Variants in LIN28B observed in about 807,000 individuals in gnomAD.
LIN28B encodes protein lin-28 homolog B.
Under a neutral mutation model 21.9 loss-of-function variants are expected in LIN28B, and 5 were observed. The ratio of observed to expected loss-of-function variants is 0.23; its 90% CI spans 0.12 to 0.48. The LOEUF (loss-of-function observed/expected upper bound fraction) is 0.48, where lower values mean the gene tolerates loss of function less well. Ranked by LOEUF, LIN28B falls within the 20% of genes least tolerant of loss-of-function variation. The pLI is 0.98. For missense variants in LIN28B, 245 were observed against 310.5 expected, an observed-to-expected ratio of 0.79 and a Z score of 1.58; for synonymous variants, 109 against 111.3, an observed-to-expected ratio of 0.98 and a Z score of 0.13.
At chr6:105,049,775 A>T (rs377698783) in intron 3 of LIN28B, among the ~76,000 whole-genome samples, 6 of 151,896 alleles carry the variant, frequency 4.0e-5, no homozygotes, top group East Asian at 1.9e-4. Flanking sequence ...TTTGTCTCTT[A>T]TGATCTTTGT....
rs764812665 is a variant in LIN28B at position 105,081,296 on chromosome 6, A to C, written c.*2513A>C. 1 of 152,632 alleles carries C rather than the reference A, an allele frequency of 6.6e-6. No individual in the cohort carries two copies. The highest frequency in any genetic ancestry group is 6.5e-5 in the Admixed American group (1 of 15,278). The allele number at this position is 152,632 out of a possible 1,614,324, so 9.5% of individuals were successfully genotyped here. A position where few individuals can be genotyped will look rare whatever the true frequency, so the allele number is the denominator to read the frequency against. ...ACAGATCAAAATTTTTGAATATCAG[A>C]TATCAGTTATCCTATTTTTATTTCA... is the stretch of plus-strand genomic sequence containing the variant. On this transcript the variant is annotated 3_prime_UTR_variant, in exon 4 of 4. Transcript: ENST00000345080.
intron 2 of LIN28B, among the ~76,000 whole-genome samples, chr6:104,994,402 T>A (rs1355822711): frequency 6.6e-6 from 1 of 152,236 alleles, no homozygotes; most frequent in Non-Finnish European, 1.5e-5. Flanking sequence ...TTATTTAACT[T>A]ATCCATTCAA....
intron 2 of LIN28B, among the ~76,000 whole-genome samples, chr6:104,963,662 A>G (rs1396066920): frequency 1.3e-5 from 2 of 152,234 alleles, no homozygotes; most frequent in East Asian, 1.9e-4. Flanking sequence ...CTTCAAATGC[A>G]TAGCATCCTC....
intron 2 of LIN28B, among the ~76,000 whole-genome samples, chr6:104,977,241 C>T (rs894483442): frequency 6.6e-6 from 1 of 152,118 alleles, no homozygotes; most frequent in Non-Finnish European, 1.5e-5. Flanking sequence ...TTTGTAAACA[C>T]ACCCTTCACT....
At chr6:104,991,148 GC>G (rs144082172) in intron 2 of LIN28B, among the ~76,000 whole-genome samples, 150,487 of 150,768 alleles carry the variant, frequency 1, 75,103 homozygotes, top group Middle Eastern at 1. Context: ...GGGCAGAGGC[GC>G]CCCCCCACCT....
intron 2 of LIN28B, among the ~76,000 whole-genome samples, chr6:104,970,601 C>T (rs369526664): frequency 2.6e-5 from 4 of 151,894 alleles, no homozygotes; most frequent in African/African-American, 7.3e-5. Context: ...TTTAATCTAC[C>T]GTGGTAGTTT....
intron 3 of LIN28B, among the ~76,000 whole-genome samples, chr6:105,076,790 G>A (rs1442086595): frequency 1.3e-5 from 2 of 151,850 alleles, no homozygotes; most frequent in Non-Finnish European, 2.9e-5. Flanking sequence ...ATTTTTAGTA[G>A]AGGCAGAGTT....
intron 2 of LIN28B, among the ~76,000 whole-genome samples, chr6:104,981,624 G>A (rs1005895338): frequency 1.4e-4 from 22 of 152,230 alleles, no homozygotes; most frequent in African/African-American, 4.8e-4. Flanking sequence ...TGTACAGTGC[G>A]ATTTGTAAAG....
chr6:104,992,171 C>T (rs1770501852), intron 2 of LIN28B, among the ~76,000 whole-genome samples: 1 of 152,056 alleles, frequency 6.6e-6, no homozygotes, highest in Admixed American at 6.5e-5. Flanking sequence ...AGTGATTCTC[C>T]TGCCTCAGCC....
At position 105,026,107 on chromosome 6, in the gene LIN28B, A is replaced by G. The variant is rs375830622; in HGVS notation, c.199-191A>G. Among the ~76,000 whole-genome samples the G allele has an allele frequency of 3.3e-5, 5 of 152,058 alleles. No homozygotes were observed. In the East Asian group the frequency reaches 7.7e-4, roughly 23 times the overall value. On this transcript the variant is annotated intron_variant, in intron 2 of 3. Transcript: ENST00000345080. ...TAAGTATTGCCAAATTGCCTTAAAA[A>G]TTTTTTTCTCCCACTGCCAGTATTG... is the stretch of plus-strand genomic sequence containing the variant.
At position 104,991,376 on chromosome 6, in the gene LIN28B, G is replaced by T. The variant is rs1191224864; in HGVS notation, c.198+33090G>T. ...GAGACGCTCCTCACCTCCCAGACGG[G>T]GTCGCGGCCGGGCAGAGGCGCTCCT... is the stretch of plus-strand genomic sequence containing the variant. On this transcript the variant is annotated intron_variant, in intron 2 of 3. Coordinates refer to ENST00000345080, the MANE Select transcript of LIN28B (RefSeq NM_001004317.4). 1.2e-4 allele frequency among the ~76,000 whole-genome samples: 18 copies of T among 151,756 alleles called. 1 individual carries two copies. The South Asian group carries it at 2.9e-3, about 25-fold the overall frequency.
intron 2 of LIN28B, among the ~76,000 whole-genome samples, chr6:105,013,653 G>T (rs1174560144): frequency 6.6e-6 from 1 of 150,888 alleles, no homozygotes; most frequent in African/African-American, 2.4e-5. Flanking sequence ...TTACCAGGAA[G>T]TTGAGGCTGC....
intron 3 of LIN28B, among the ~76,000 whole-genome samples, chr6:105,053,585 T>C (rs1348457300): frequency 6.6e-6 from 1 of 152,194 alleles, no homozygotes; most frequent in Admixed American, 6.5e-5. Flanking sequence ...TCCTGATGAA[T>C]TGACCCTTTA....
At chr6:104,940,847 C>G (rs777095098) in intron 2 of LIN28B, 4 of 152,274 alleles carry the variant, frequency 2.6e-5, no homozygotes, top group African/African-American at 9.7e-5. Flanking sequence ...CCCTCCCGGC[C>G]CCGCCGCGCG....
chr6:105,071,219 T>G (rs1772327837), intron 3 of LIN28B, among the ~76,000 whole-genome samples: 1 of 152,130 alleles, frequency 6.6e-6, no homozygotes, highest in African/African-American at 2.4e-5. Flanking sequence ...TTACTTATAA[T>G]CATGTCTAAT....
At chr6:105,042,556 T>C (rs930942000) in intron 3 of LIN28B, among the ~76,000 whole-genome samples, 1 of 152,208 alleles carries the variant, frequency 6.6e-6, no homozygotes, top group Non-Finnish European at 1.5e-5. Flanking sequence ...TGCTTTCTTT[T>C]GTAAGATCAT....
At chr6:104,972,110 A>G (rs1179930673) in intron 2 of LIN28B, among the ~76,000 whole-genome samples, 1 of 152,072 alleles carries the variant, frequency 6.6e-6, no homozygotes, top group East Asian at 1.9e-4. Flanking sequence ...ATCTGGGACT[A>G]CAGGTGCACG....
At position 105,083,171 on chromosome 6, in the gene LIN28B, G is replaced by T. The variant is rs924151671; in HGVS notation, c.*4388G>T. On this transcript the variant is annotated 3_prime_UTR_variant, in exon 4 of 4. Coordinates refer to ENST00000345080, the MANE Select transcript of LIN28B (RefSeq NM_001004317.4). ...TAGATGTTTGGAATGCGTTTCACTC[G>T]CATGCAGTCATCTGGAGGGACTGAA... 1 of 152,566 alleles carries T rather than the reference G, an allele frequency of 6.6e-6. No homozygotes were observed. Among genetic ancestry groups the T allele is most frequent in the Non-Finnish European group, 1.5e-5 (1 of 68,032 alleles). 9.5% of individuals were successfully genotyped at this position (152,566 alleles called of 1,614,324 possible).
At chr6:104,940,699 C>G (rs1016751059) in intron 2 of LIN28B, among the ~76,000 whole-genome samples, 2 of 150,648 alleles carry the variant, frequency 1.3e-5, no homozygotes, top group African/African-American at 4.9e-5. Context: ...CTCCCCCACC[C>G]GGCTCAGCCC....
Sources: gnomAD v4.1 joint callset for allele counts (sites outside exome capture counted in the v4.1 genomes callset) on GRCh38, gnomAD v4.1.1 for gene constraint, MANE v1.5 for transcripts, NCBI Gene and HGNC (gene_info 2026-07-23, HGNC 2026-07-21) for gene names.